Variants in RGS6 observed in about 807,000 individuals in gnomAD.
The protein encoded by RGS6 is regulator of G-protein signaling 6.
In RGS6, 30 loss-of-function variants were observed where a neutral mutation model predicts 78.5. That is an observed-to-expected ratio of 0.38 (90% CI 0.29 to 0.52). RGS6 has a LOEUF of 0.52. Ranked by LOEUF, RGS6 falls within the 20% of genes least tolerant of loss-of-function variation. The pLI, the probability that RGS6 is intolerant of heterozygous loss-of-function variation, is 0.85. For missense variants in RGS6, 495 were observed against 609.7 expected (o/e 0.81, Z 1.98); for synonymous variants, 206 against 206.0 (o/e 1.00, Z 0.00).
At chr14:71,877,537 A>C in the RGS6 span, among the ~76,000 whole-genome samples, 2 of 152,162 alleles carry the variant, frequency 1.3e-5, no homozygotes, top group African/African-American at 4.8e-5. Flanking sequence ...CAGGTTATTT[A>C]AGGTCTTCTC....
chr14:72,415,143 G>A (rs2093706770), intron 3 of RGS6, among the ~76,000 whole-genome samples: 1 of 152,278 alleles, frequency 6.6e-6, no homozygotes, highest in Non-Finnish European at 1.5e-5. Context: ...CAGAGGTGGA[G>A]GCTGCAGAGG....
At chr14:71,912,862 G>A in the RGS6 span, among the ~76,000 whole-genome samples, 1 of 151,676 alleles carries the variant, frequency 6.6e-6, no homozygotes, top group African/African-American at 2.4e-5. Context: ...GTCTTGCTCT[G>A]TCACCCAGGC....
At chr14:72,310,240 G>T (rs766133673) in intron 2 of RGS6, among the ~76,000 whole-genome samples, 2 of 152,258 alleles carry the variant, frequency 1.3e-5, no homozygotes, top group Admixed American at 6.5e-5. Flanking sequence ...CTGGCTGTCA[G>T]AGAGGATGCC....
the RGS6 span, among the ~76,000 whole-genome samples, chr14:72,603,920 C>T: frequency 6.6e-6 from 1 of 152,100 alleles, no homozygotes; most frequent in African/African-American, 2.4e-5. Context: ...TGTAAGAAAA[C>T]ACATAAAAAG....
At chr14:72,085,537 G>A (rs1468938473) in intron 2 of RGS6, among the ~76,000 whole-genome samples, 1 of 152,082 alleles carries the variant, frequency 6.6e-6, no homozygotes, top group Non-Finnish European at 1.5e-5. Context: ...AGAAATTGGG[G>A]CTGTGCTTCA....
chr14:72,358,914 C>T (rs1453613975), intron 3 of RGS6, among the ~76,000 whole-genome samples: 1 of 152,168 alleles, frequency 6.6e-6, no homozygotes, highest in Non-Finnish European at 1.5e-5. Context: ...TTCCCATAGT[C>T]CCCATGAGTC....
intron 3 of RGS6, among the ~76,000 whole-genome samples, chr14:72,420,507 C>G (rs971697555): frequency 3.3e-5 from 5 of 152,192 alleles, no homozygotes; most frequent in South Asian, 4.1e-4. Flanking sequence ...TAGTATGATT[C>G]CTGTTCCCTT....
chr14:71,901,465 T>A, the RGS6 span, among the ~76,000 whole-genome samples: 1 of 152,266 alleles, frequency 6.6e-6, no homozygotes, highest in East Asian at 1.9e-4. Flanking sequence ...ATGTGTCTTA[T>A]AGTTAATTTG....
chr14:72,539,766 C>T (rs887981292), intron 16 of RGS6, among the ~76,000 whole-genome samples: 16 of 152,198 alleles, frequency 1.1e-4, no homozygotes, highest in Non-Finnish European at 1.5e-4. Context: ...ATCCAAGCCC[C>T]GCAAGCACCA....
At chr14:72,290,304 C>G (rs79746474) in intron 2 of RGS6, among the ~76,000 whole-genome samples, 7,254 of 152,242 alleles carry the variant, frequency 0.048, 519 homozygotes, top group African/African-American at 0.16. Context: ...TATCACCTCC[C>G]TGGTCCACCT....
At chr14:71,983,282 A>G (rs1373467057) in intron 2 of RGS6, among the ~76,000 whole-genome samples, 1 of 152,232 alleles carries the variant, frequency 6.6e-6, no homozygotes, top group African/African-American at 2.4e-5. Context: ...ACCTCTACGT[A>G]TGAAATGGAC....
intron 2 of RGS6, among the ~76,000 whole-genome samples, chr14:72,260,365 A>G (rs112767838): frequency 0.012 from 1,845 of 152,356 alleles, 34 homozygotes; most frequent in African/African-American, 0.037. Context: ...GAATTCTCCA[A>G]AGTTGAAAAT....
intron 2 of RGS6, among the ~76,000 whole-genome samples, chr14:72,290,181 G>A (rs1048660780): frequency 2.6e-5 from 4 of 152,140 alleles, no homozygotes; most frequent in African/African-American, 9.7e-5. Flanking sequence ...AGCACATAAA[G>A]GCCCTTAGGA....
chr14:72,032,924 A>C (rs2153347039), intron 2 of RGS6, among the ~76,000 whole-genome samples: 1 of 152,290 alleles, frequency 6.6e-6, no homozygotes, highest in South Asian at 2.1e-4. Flanking sequence ...CATGGTGTGC[A>C]CTTATCTCTT....
At chr14:71,946,093 A>C (rs539567657) in intron 1 of RGS6, among the ~76,000 whole-genome samples, 267 of 152,346 alleles carry the variant, frequency 1.8e-3, no homozygotes, top group African/African-American at 6.2e-3. Context: ...GGACGCATTC[A>C]CAAAGAATAA....
At chr14:72,365,174 T>G (rs1475473707) in intron 3 of RGS6, among the ~76,000 whole-genome samples, 5 of 152,180 alleles carry the variant, frequency 3.3e-5, no homozygotes, top group African/African-American at 1.2e-4. Context: ...AATGGAAAGT[T>G]TTAGAGCATA....
Position 72,465,835 on chromosome 14 carries a change from A to C in RGS6, c.459+13A>C. On this transcript the variant is annotated intron_variant, in intron 7 of 17. Coordinates refer to ENST00000553525, the MANE Select transcript of RGS6 (RefSeq NM_001204424.2). ...AGATTATGAAGCAGTAAGTATGATTATTTTCCAGGATACATATAAGAAGAG... is the reference window on the plus strand; with the variant it reads ...AGATTATGAAGCAGTAAGTATGATTCTTTTCCAGGATACATATAAGAAGAG... The C allele has an allele frequency of 6.2e-7, 1 of 1,601,988 alleles. No homozygotes were observed. Among genetic ancestry groups the C allele is most frequent in the Non-Finnish European group, 8.6e-7 (1 of 1,169,064 alleles).
intron 2 of RGS6, among the ~76,000 whole-genome samples, chr14:72,292,711 T>A (rs945797956): frequency 4.6e-5 from 7 of 152,246 alleles, no homozygotes; most frequent in Non-Finnish European, 1.5e-5. Flanking sequence ...AAGATGTTAC[T>A]GATGTATAGT....
chr14:72,530,819 G>A (rs990300699), intron 15 of RGS6, among the ~76,000 whole-genome samples: 1 of 152,368 alleles, frequency 6.6e-6, no homozygotes, highest in East Asian at 1.9e-4. Flanking sequence ...TCTGAGCTGA[G>A]TGTAATCCTC....
Sources: gnomAD v4.1 joint callset for allele counts (sites outside exome capture counted in the v4.1 genomes callset) on GRCh38, gnomAD v4.1.1 for gene constraint, MANE v1.5 for transcripts, NCBI Gene and HGNC (gene_info 2026-07-23, HGNC 2026-07-21) for gene names.